The following TBC1D14 variants were observed in gnomAD, a reference collection of about 807,000 sequenced individuals.
The protein encoded by TBC1D14 is TBC1 domain family member 14, also known as TBC1 domain family, member 14.
TBC1D14 carries 26 observed loss-of-function variants against 79.0 expected under a neutral mutation model. The observed-to-expected ratio is 0.33, with a 90% CI of 0.24 to 0.46. The LOEUF (loss-of-function observed/expected upper bound fraction) is 0.46, where lower values mean the gene tolerates loss of function less well. TBC1D14 is among the 20% of genes least tolerant of loss of function. TBC1D14 has a pLI of 1.00. For missense variants in TBC1D14, 769 were observed against 887.6 expected, an observed-to-expected ratio of 0.87 and a Z score of 1.70; for synonymous variants, 394 against 349.9, an observed-to-expected ratio of 1.13 and a Z score of -1.40.
chr4:7,006,416 C>T (rs1450845923), intron 8 of TBC1D14, among the ~76,000 whole-genome samples: 1 of 152,154 alleles, frequency 6.6e-6, no homozygotes, highest in Non-Finnish European at 1.5e-5. Flanking sequence ...TAATGATAAT[C>T]TAGAATTAGC....
At chr4:6,909,983 CGGGCCGCGAGGGAGGGCAGGGCGCGCG>C (rs2108886328) in intron 1 of TBC1D14, 32 bp downstream of exon 1, 1 of 147,568 alleles carries the variant, frequency 6.8e-6, no homozygotes, top group East Asian at 2.0e-4. Flanking sequence ...GGCCGGGCCG[CGGGCCGCGAGGGAGGGCAGGGCGCGCG>C]GGGCCGCCAC....
chr4:6,982,341 A>C (rs1013324338), intron 3 of TBC1D14, among the ~76,000 whole-genome samples: 5 of 152,226 alleles, frequency 3.3e-5, no homozygotes, highest in Admixed American at 2.0e-4. Flanking sequence ...GGTAAAAGTC[A>C]GTCTCGAAAG....
At chr4:7,019,126 A>G (rs10019256) in intron 12 of TBC1D14, among the ~76,000 whole-genome samples, 64,276 of 151,720 alleles carry the variant, frequency 0.42, 14,319 homozygotes, top group East Asian at 0.6. Flanking sequence ...GATTCACGCC[A>G]TTCTCCTGCT....
At chr4:7,029,981 T>G (rs1722876782) in intron 13 of TBC1D14, among the ~76,000 whole-genome samples, 1 of 151,832 alleles carries the variant, frequency 6.6e-6, no homozygotes, top group Admixed American at 6.6e-5. Context: ...GTGGCAGGAG[T>G]GCAGCGGGAT....
At chr4:7,019,662 C>T (rs1447115549) in intron 12 of TBC1D14, among the ~76,000 whole-genome samples, 3 of 152,232 alleles carry the variant, frequency 2.0e-5, no homozygotes, top group African/African-American at 4.8e-5. Flanking sequence ...CTGTTGGCCC[C>T]TGCCAAGTGC....
chr4:7,023,711 C>A (rs1200815827), intron 12 of TBC1D14, among the ~76,000 whole-genome samples: 1 of 152,164 alleles, frequency 6.6e-6, no homozygotes, highest in Non-Finnish European at 1.5e-5. Context: ...GGTGGTGAGA[C>A]CTGGGTCCGT....
rs558974385 is a variant in TBC1D14, at chr4:6,967,737, T to C, written c.843+313T>C. ...AATCAGTTTTAGTAATAGTTGCAAATGTGTTTATCATCAAATTTGTATTGT... is the reference window on the plus strand; with the variant it reads ...AATCAGTTTTAGTAATAGTTGCAAACGTGTTTATCATCAAATTTGTATTGT... On this transcript the variant is annotated intron_variant, in intron 3 of 13. Transcript: ENST00000409757. Among the ~76,000 whole-genome samples the C allele has an allele frequency of 2.6e-5, 4 of 152,352 alleles. No individual in the cohort carries two copies. In the East Asian group the frequency reaches 7.7e-4, roughly 29 times the overall value.
intron 2 of TBC1D14, among the ~76,000 whole-genome samples, chr4:6,943,257 G>A (rs1229162700): frequency 1.3e-5 from 2 of 152,206 alleles, no homozygotes; most frequent in African/African-American, 2.4e-5. Context: ...CAGGAAAGAG[G>A]ACTGCGCCCA....
intron 3 of TBC1D14, among the ~76,000 whole-genome samples, chr4:6,977,071 CTCT>C: frequency 6.0e-5 from 1 of 16,636 alleles, no homozygotes; most frequent in African/African-American, 1.0e-4. Context: ...CCTCCTCTCC[CTCT>C]CCCTCTCCCT....
At chr4:6,934,537 A>G (rs1352614307) in intron 2 of TBC1D14, among the ~76,000 whole-genome samples, 4 of 152,110 alleles carry the variant, frequency 2.6e-5, no homozygotes, top group African/African-American at 4.8e-5. Flanking sequence ...GGGTGCCTGT[A>G]ATACCAGCTA....
chr4:6,952,779 C>A (rs933974751), intron 2 of TBC1D14, among the ~76,000 whole-genome samples: 4 of 151,778 alleles, frequency 2.6e-5, no homozygotes, highest in African/African-American at 9.7e-5. Context: ...AACTGAATGG[C>A]GTTGGCTCCA....
At chr4:7,010,629 A>C in intron 10 of TBC1D14, 24 bp from the exon 11 acceptor site, 2 of 1,606,014 alleles carry the variant, frequency 1.2e-6, no homozygotes, top group South Asian at 1.1e-5. Context: ...TGTGATTTTA[A>C]CGTGCCTTTC....
intron 9 of TBC1D14, chr4:7,007,713 C>A: frequency 1.2e-6 from 1 of 823,016 alleles, no homozygotes; most frequent in Non-Finnish European, 1.7e-6. Context: ...GCTTCTCCCA[C>A]AGGGCAGATT....
At chr4:7,014,385 CT>C in intron 11 of TBC1D14, 62 bp from the exon 12 acceptor site, 3 of 1,134,974 alleles carry the variant, frequency 2.6e-6, no homozygotes, top group South Asian at 2.6e-5. Context: ...CATATATTGA[CT>C]TTTTTGTAAA....
chr4:6,996,787 A>G (rs760285676), intron 5 of TBC1D14, among the ~76,000 whole-genome samples: 4 of 152,188 alleles, frequency 2.6e-5, no homozygotes, highest in Admixed American at 6.5e-5. Flanking sequence ...GAAGGCTACT[A>G]TCCATTCCGG....
intron 3 of TBC1D14, among the ~76,000 whole-genome samples, chr4:6,989,184 T>C (rs1028516579): frequency 1.3e-5 from 2 of 152,180 alleles, no homozygotes; most frequent in African/African-American, 4.8e-5. Context: ...TTCTTGTCTT[T>C]AGCACTGTGC....
intron 3 of TBC1D14, chr4:6,987,348 T>C: frequency 7.0e-7 from 1 of 1,425,894 alleles, no homozygotes; most frequent in Non-Finnish European, 9.2e-7. Context: ...CCGGCGTTCA[T>C]GGTGAGTCGG....
chr4:6,923,918 A>G lies in TBC1D14; in HGVS notation c.529A>G (p.Ile177Val), dbSNP rs774418827. The change falls in exon 2 of 14, where the codon ATC (isoleucine) becomes GTC (valine). Residue 177 changes from isoleucine (I) to valine (V), a missense_variant. Physicochemically the swap from Ile to Val is conservative, Grantham distance 29. Around this residue, in one of 2 missense-constraint regions of TBC1D14, gnomAD observed 402 missense variants for 393.2 expected, o/e 1.02. Coordinates refer to ENST00000409757, the MANE Select transcript of TBC1D14 (RefSeq NM_020773.3). The part of the protein sequence containing the change: ...STTLSVSNED[I>V]LDLVVTSSSS... ...CACGCTGTCCGTCAGCAATGAGGAC[A>G]TCTTGGACCTTGTGGTCACGAGCAG... The G allele has an allele frequency of 1.2e-6, 2 of 1,614,198 alleles. No homozygotes were observed. Among genetic ancestry groups the G allele is most frequent in the East Asian group, 2.2e-5 (1 of 44,892 alleles).
At chr4:6,929,599 G>A (rs956850460) in intron 2 of TBC1D14, among the ~76,000 whole-genome samples, 3 of 152,166 alleles carry the variant, frequency 2.0e-5, no homozygotes, top group Non-Finnish European at 4.4e-5. Flanking sequence ...GTAGCATGAG[G>A]CGCTCAGGAG....
Sources: allele counts gnomAD v4.1 joint callset (sites outside exome capture counted in the v4.1 genomes callset), GRCh38; gene constraint gnomAD v4.1.1; regional missense constraint gnomAD v4.1.1; transcripts MANE v1.5; gene names NCBI Gene and HGNC (gene_info 2026-07-23, HGNC 2026-07-21).